The following GRIK1 variants were observed in gnomAD, a reference collection of about 807,000 sequenced individuals.
GRIK1 encodes glutamate ionotropic receptor kainate type subunit 1, also known as glutamate receptor ionotropic, kainate 1.
A neutral mutation model predicts 105.7 loss-of-function variants in GRIK1; 69 were observed. The ratio of observed to expected loss-of-function variants is 0.65; its 90% confidence interval spans 0.54 to 0.80. The LOEUF is 0.80. Ranked by LOEUF, GRIK1 falls within the 30% of genes least tolerant of loss-of-function variation. GRIK1 has a pLI of 0.00. For synonymous variants in GRIK1, 438 were observed against 431.3 expected (o/e 1.02, Z -0.19); for missense variants, 1,109 against 1,167.3 (o/e 0.95, Z 0.73).
At chr21:29,588,768 T>C (rs2061285917) in intron 11 of GRIK1, 71 bp downstream of exon 11, 3 of 863,750 alleles carry the variant, frequency 3.5e-6, no homozygotes, top group African/African-American at 1.7e-5. Flanking sequence ...ACATTTCTTC[T>C]GACATCATTT....
chr21:29,937,260 G>T (rs997556054), intron 1 of GRIK1, among the ~76,000 whole-genome samples: 2 of 152,182 alleles, frequency 1.3e-5, no homozygotes, highest in Non-Finnish European at 2.9e-5. Flanking sequence ...TTAAAAGCGT[G>T]CATTGGTCCT....
chr21:29,893,857 T>C (rs769960196), intron 1 of GRIK1, among the ~76,000 whole-genome samples: 1 of 152,132 alleles, frequency 6.6e-6, no homozygotes, highest in African/African-American at 2.4e-5. Flanking sequence ...CAGGATCCAG[T>C]CATTACAGGA....
chr21:29,636,773 A>G (rs987644821), intron 7 of GRIK1, among the ~76,000 whole-genome samples: 2 of 152,220 alleles, frequency 1.3e-5, no homozygotes, highest in Non-Finnish European at 2.9e-5. Flanking sequence ...TCATACCTAT[A>G]CATAGCTACC....
intron 4 of GRIK1, among the ~76,000 whole-genome samples, chr21:29,672,344 A>T (rs1174739227): frequency 6.6e-6 from 1 of 151,992 alleles, no homozygotes; most frequent in Non-Finnish European, 1.5e-5. Context: ...TAAACTTAAG[A>T]CCAAGTGCTC....
At chr21:29,742,628 G>A (rs1246871035) in intron 1 of GRIK1, among the ~76,000 whole-genome samples, 1 of 152,180 alleles carries the variant, frequency 6.6e-6, no homozygotes. Flanking sequence ...GCCATGTGAT[G>A]TTTTAAAATC....
intron 1 of GRIK1, among the ~76,000 whole-genome samples, chr21:29,812,754 T>C (rs1424299761): frequency 6.6e-6 from 1 of 152,160 alleles, no homozygotes; most frequent in East Asian, 1.9e-4. Flanking sequence ...CCAGGCTGGG[T>C]CAGCTCAGAA....
At chr21:29,750,525 G>A (rs924135501) in intron 1 of GRIK1, among the ~76,000 whole-genome samples, 11 of 152,184 alleles carry the variant, frequency 7.2e-5, no homozygotes, top group Non-Finnish European at 1.6e-4. Context: ...CCTAGCAGGG[G>A]TGTATAGACA....
intron 1 of GRIK1, among the ~76,000 whole-genome samples, chr21:29,854,519 C>T (rs2068403719): frequency 6.6e-6 from 1 of 151,666 alleles, no homozygotes; most frequent in African/African-American, 2.4e-5. Context: ...GAAAAAAAAA[C>T]AAGAAATTAC....
At chr21:29,640,400 C>T (rs1401102208) in intron 7 of GRIK1, among the ~76,000 whole-genome samples, 1 of 152,168 alleles carries the variant, frequency 6.6e-6, no homozygotes, top group Non-Finnish European at 1.5e-5. Context: ...TACCTACACC[C>T]TGCCAAAGGT....
chr21:29,541,262 G>A (rs111725547), intron 16 of GRIK1, among the ~76,000 whole-genome samples: 1,622 of 152,258 alleles, frequency 0.011, 30 homozygotes, highest in African/African-American at 0.037. Flanking sequence ...CACCGTGTCC[G>A]GCCTACAAGT....
intron 14 of GRIK1, among the ~76,000 whole-genome samples, chr21:29,565,393 T>C (rs896278154): frequency 6.6e-6 from 1 of 152,166 alleles, no homozygotes; most frequent in Non-Finnish European, 1.5e-5. Flanking sequence ...TAGGTAGAAA[T>C]ATCTGCAGAC....
intron 1 of GRIK1, among the ~76,000 whole-genome samples, chr21:29,887,235 G>T (rs1393589747): frequency 6.6e-6 from 1 of 152,106 alleles, no homozygotes; most frequent in Non-Finnish European, 1.5e-5. Context: ...CATTTTTGTT[G>T]CATCCCAAAA....
intron 1 of GRIK1, among the ~76,000 whole-genome samples, chr21:29,739,592 A>T (rs891628229): frequency 1.3e-5 from 2 of 152,206 alleles, no homozygotes; most frequent in Non-Finnish European, 2.9e-5. Flanking sequence ...AACATCGTGC[A>T]TTCATTTTAT....
At chr21:29,707,561 C>T (rs2063948402) in intron 1 of GRIK1, among the ~76,000 whole-genome samples, 1 of 151,016 alleles carries the variant, frequency 6.6e-6, no homozygotes, top group African/African-American at 2.4e-5. Flanking sequence ...AATGGCACTA[C>T]CTCAGCTCAC....
chr21:29,786,608 A>G (rs2066267526), intron 1 of GRIK1, among the ~76,000 whole-genome samples: 1 of 152,198 alleles, frequency 6.6e-6, no homozygotes, highest in African/African-American at 2.4e-5. Flanking sequence ...TGTTAAAGAA[A>G]TGTACACAGA....
At position 29,688,713 on chromosome 21, in the gene GRIK1, G is replaced by T. The variant is rs149409457; in HGVS notation, c.544+1015C>A. Among the ~76,000 whole-genome samples, 345 of 152,276 alleles carry T rather than the reference G, an allele frequency of 2.3e-3. 3 individuals are homozygous for T. The highest frequency in any genetic ancestry group is 8.1e-3 in the African/African-American group (336 of 41,568). On this transcript the variant is annotated intron_variant, in intron 3 of 17. Coordinates refer to ENST00000327783, the MANE Select transcript of GRIK1 (RefSeq NM_001330994.2). ...ATATAACTTGGGATTCAGTGCTTTT[G>T]CTTCCAAAGTGCTAGTGAACCCTCT...
intron 13 of GRIK1, among the ~76,000 whole-genome samples, chr21:29,578,714 C>T (rs1299064112): frequency 6.6e-6 from 1 of 152,050 alleles, no homozygotes; most frequent in East Asian, 1.9e-4. Flanking sequence ...GAATGGTTTG[C>T]TGCTGTTGTT....
chr21:29,664,167 G>C (rs2063017747), intron 4 of GRIK1, among the ~76,000 whole-genome samples: 1 of 152,162 alleles, frequency 6.6e-6, no homozygotes. Context: ...TTCTAGCATG[G>C]AAATGTAATT....
intron 13 of GRIK1, among the ~76,000 whole-genome samples, chr21:29,578,960 G>A (rs915190486): frequency 4.6e-5 from 7 of 152,108 alleles, no homozygotes; most frequent in Admixed American, 1.3e-4. Flanking sequence ...ATTTTCTGCT[G>A]TAAATTTATT....
Sources: allele counts gnomAD v4.1 joint callset (sites outside exome capture counted in the v4.1 genomes callset), GRCh38; gene constraint gnomAD v4.1.1; transcripts MANE v1.5; gene names NCBI Gene and HGNC (gene_info 2026-07-23, HGNC 2026-07-21).